PTGR1: variants seen among roughly 807,000 people sequenced by gnomAD.
The protein encoded by PTGR1 is 15-oxoprostaglandin 13-reductase.
A neutral mutation model predicts 37.7 loss-of-function variants in PTGR1; 23 were observed. That is an observed-to-expected ratio of 0.61 (90% CI 0.44 to 0.86). PTGR1 has a LOEUF of 0.86. Among genes scored for constraint, PTGR1 ranks in the 40% least tolerant of loss-of-function variants. The probability of loss-of-function intolerance (pLI) is 0.00; values close to 1 mark genes in which losing one functional copy is unlikely to be tolerated. For missense variants in PTGR1, 351 were observed against 394.3 expected (o/e 0.89, Z 0.93); for synonymous variants, 134 against 140.0 (o/e 0.96, Z 0.30).
In PTGR1 at chr9:111,583,572, C is replaced by A; in HGVS notation, c.395G>T (p.Gly132Val). The change falls in exon 6 of 10, where the codon GGC (glycine) becomes GTC (valine). Residue 132 changes from glycine to valine, a missense_variant. By Grantham distance (109) the Gly-to-Val change is moderately radical. Coordinates refer to ENST00000407693, the MANE Select transcript of PTGR1 (RefSeq NM_001146108.2). ...CTTCACACCACAGATTTCAAGTAGG[C>A]CAAAGTAGGCAGTCAGGCTAAAGGA... ...VGMPGLTAYF[G>V]LLEICGVKGG... 2 of 1,611,052 alleles carry A rather than the reference C, an allele frequency of 1.2e-6. No individual in the cohort carries two copies. Among genetic ancestry groups the A allele is most frequent in the Non-Finnish European group, 1.7e-6 (2 of 1,177,194 alleles).
At chr9:111,559,647 GCACA>G (rs60224675), downstream of PTGR1, among the ~76,000 whole-genome samples, 1 of 150,604 alleles carries the variant, frequency 6.6e-6, no homozygotes, top group South Asian at 2.1e-4. Flanking sequence ...CACACATACA[GCACA>G]CACACACACA....
At chr9:111,554,473 A>G (rs550379725) in intron 9 of PTGR1, among the ~76,000 whole-genome samples, 3 of 152,316 alleles carry the variant, frequency 2.0e-5, no homozygotes, top group South Asian at 2.1e-4. Context: ...CACTTAATGC[A>G]TACAGTAGCC....
At chr9:111,580,170 A>G (rs181110405) in intron 6 of PTGR1, among the ~76,000 whole-genome samples, 1 of 152,296 alleles carries the variant, frequency 6.6e-6, no homozygotes, top group Admixed American at 6.5e-5. Flanking sequence ...AATTCTATCT[A>G]TTAATGTTAG....
chr9:111,570,217 G>GA lies in PTGR1; in HGVS notation c.761-9dup, dbSNP rs1465126566. On this transcript the variant is annotated splice_polypyrimidine_tract_variant and intron_variant, in intron 8 of 9. Transcript: ENST00000407693. ...CAATCTCTGGGGGTGGGCCTGTGAAGAGAAGGGCACATTTGGGTGGCAGGA... is the reference window on the plus strand; with the variant it reads ...CAATCTCTGGGGGTGGGCCTGTGAAGAAGAAGGGCACATTTGGGTGGCAGGA... 6.2e-7 allele frequency: 1 copy of GA among 1,611,342 alleles called. No individual in the cohort carries two copies. The highest frequency in any genetic ancestry group is 2.2e-5 in the East Asian group (1 of 44,858).
At position 111,599,608 on chromosome 9, in the gene PTGR1, C is replaced by T. The variant is rs1433496974; in HGVS notation, c.-16G>A. 1 of 152,640 alleles carries T rather than the reference C, an allele frequency of 6.6e-6. No individual in the cohort carries two copies. Among genetic ancestry groups the T allele is most frequent in the Non-Finnish European group, 1.5e-5 (1 of 68,388 alleles). The allele number at this position is 152,640 out of a possible 1,614,324, so 9.5% of individuals were successfully genotyped here. A position where few individuals can be genotyped will look rare whatever the true frequency, so the allele number is the denominator to read the frequency against. On this transcript the variant is annotated 5_prime_UTR_variant, in exon 1 of 10. Transcript: ENST00000407693. ...AAAGCAGGAGGTCTACTTACAGGAG[C>T]CCGAAGGTTCCACTGCCTGGGGAAG...
chr9:111,553,017 C>T, intron 9 of PTGR1, among the ~76,000 whole-genome samples: 1 of 152,174 alleles, frequency 6.6e-6, no homozygotes, highest in South Asian at 2.1e-4. Context: ...GCCAGGTTTA[C>T]AAACTCAGAC....
At chr9:111,580,423 ATCTGGTTT>A (rs2132400062) in intron 6 of PTGR1, among the ~76,000 whole-genome samples, 1 of 152,202 alleles carries the variant, frequency 6.6e-6, no homozygotes, top group East Asian at 1.9e-4. Context: ...ATGTCCAATC[ATCTGGTTT>A]TCTTCCTCTT....
At chr9:111,561,100 T>TAGAGAGAG (rs1589288997), downstream of PTGR1, among the ~76,000 whole-genome samples, 2 of 31,428 alleles carry the variant, frequency 6.4e-5, no homozygotes, top group African/African-American at 2.5e-4. Context: ...TATATATATA[T>TAGAGAGAG]ATATATATAT....
At chr9:111,579,045 G>A (rs1004368064) in intron 6 of PTGR1, 94 bp from the exon 7 acceptor site, 46 of 1,252,840 alleles carry the variant, frequency 3.7e-5, no homozygotes, top group Non-Finnish European at 4.6e-5. Context: ...GGTTCCCTAG[G>A]AACACTCTCT....
At chr9:111,595,442 G>A (rs1451532404) in intron 2 of PTGR1, among the ~76,000 whole-genome samples, 4 of 152,036 alleles carry the variant, frequency 2.6e-5, no homozygotes, top group Non-Finnish European at 2.9e-5. Flanking sequence ...TGGCTTCATC[G>A]CCAGCCCCAG....
chr9:111,557,603 T>A (rs1828163305), downstream of PTGR1, among the ~76,000 whole-genome samples: 1 of 152,020 alleles, frequency 6.6e-6, no homozygotes, highest in Admixed American at 6.5e-5. Context: ...TGCTAATTTT[T>A]GTATTTTAGT....
At chr9:111,591,006 T>C (rs1006385862) in intron 4 of PTGR1, among the ~76,000 whole-genome samples, 3 of 152,170 alleles carry the variant, frequency 2.0e-5, no homozygotes, top group Admixed American at 1.3e-4. Flanking sequence ...AAAATTTATA[T>C]ATAGGCCGGG....
chr9:111,588,223 G>A (rs1829501070), intron 4 of PTGR1, among the ~76,000 whole-genome samples: 1 of 146,058 alleles, frequency 6.8e-6, no homozygotes, highest in African/African-American at 2.6e-5. Flanking sequence ...TTGAGACGGA[G>A]TCTCGCTCTA....
chr9:111,564,224 A>AT, intron 9 of PTGR1: 3 of 1,081,474 alleles, frequency 2.8e-6, no homozygotes, highest in Non-Finnish European at 3.4e-6. Flanking sequence ...TATAGACAAG[A>AT]TTATTTGCTT....
chr9:111,570,463 C>T (rs755259392), intron 8 of PTGR1, among the ~76,000 whole-genome samples: 9 of 152,106 alleles, frequency 5.9e-5, no homozygotes, highest in Admixed American at 5.2e-4. Context: ...GCAAAAAGGA[C>T]TTTGCAGATA....
intron 9 of PTGR1, among the ~76,000 whole-genome samples, chr9:111,565,713 TAG>T (rs1458660734): frequency 6.6e-6 from 1 of 151,988 alleles, no homozygotes; most frequent in Non-Finnish European, 1.5e-5. Context: ...TTGTTTTTTG[TAG>T]AGTCTCATTA....
At chr9:111,565,277 G>T (rs1287730491) in intron 9 of PTGR1, among the ~76,000 whole-genome samples, 1 of 152,166 alleles carries the variant, frequency 6.6e-6, no homozygotes, top group Non-Finnish European at 1.5e-5. Flanking sequence ...GTTGAAAAGA[G>T]AGAGGCCTGC....
chr9:111,598,649 C>T (rs551234113), intron 1 of PTGR1, among the ~76,000 whole-genome samples: 2 of 152,234 alleles, frequency 1.3e-5, no homozygotes, highest in South Asian at 4.1e-4. Flanking sequence ...CGCCCGCCAC[C>T]ACGCCCAGCT....
At chr9:111,589,501 T>A (rs1362706500) in intron 4 of PTGR1, 2 of 340,132 alleles carry the variant, frequency 5.9e-6, no homozygotes, top group Admixed American at 1.3e-4. Context: ...AAGCAATCCA[T>A]CCACCTTGGC....
Sources: allele counts gnomAD v4.1 joint callset (sites outside exome capture counted in the v4.1 genomes callset), GRCh38; gene constraint gnomAD v4.1.1; transcripts MANE v1.5; gene names NCBI Gene and HGNC (gene_info 2026-07-23, HGNC 2026-07-21).